The following SLC39A12 variants were observed in gnomAD, a reference collection of about 807,000 sequenced individuals.
SLC39A12 encodes the protein zinc transporter ZIP12.
Under a neutral mutation model 71.1 loss-of-function variants are expected in SLC39A12, and 63 were observed. The observed-to-expected ratio is 0.89, with a 90% CI of 0.72 to 1.09. The LOEUF is 1.09. SLC39A12 is among the 50% of genes least tolerant of loss of function. The pLI is 0.00. For synonymous variants in SLC39A12, 351 were observed against 301.3 expected, an observed-to-expected ratio of 1.16 and a Z score of -1.71; for missense variants, 892 against 812.6, an observed-to-expected ratio of 1.10 and a Z score of -1.19.
chr10:17,952,040 T>C lies in SLC39A12; in HGVS notation c.-87+15T>C, dbSNP rs1303897375. 6.8e-6 allele frequency: 1 copy of C among 147,390 alleles called. No homozygotes were observed. The highest frequency in any genetic ancestry group is 6.8e-5 in the Admixed American group (1 of 14,804). The allele number at this position is 147,390 out of a possible 1,614,324, so 9.1% of individuals were successfully genotyped here. On this transcript the variant is annotated intron_variant, in intron 1 of 12. Transcript: ENST00000377369. ...TTCTTCTGAAGGTAAGCACTGGGGT[T>C]AGAAATGCTTGCATCATCCTCTGTC... is the stretch of plus-strand genomic sequence containing the variant.
At chr10:17,986,259 T>C (rs887795159) in intron 6 of SLC39A12, among the ~76,000 whole-genome samples, 1 of 152,216 alleles carries the variant, frequency 6.6e-6, no homozygotes, top group African/African-American at 2.4e-5. Flanking sequence ...AGTCCTTGCT[T>C]GCTGCAATAA....
At chr10:17,961,890 C>G in intron 3 of SLC39A12, 28 bp downstream of exon 3, 1 of 1,597,976 alleles carries the variant, frequency 6.3e-7, no homozygotes, top group Non-Finnish European at 8.5e-7. Flanking sequence ...CTAACTGGCT[C>G]TGCTGCTAAG....
intron 4 of SLC39A12, among the ~76,000 whole-genome samples, chr10:17,966,577 C>T (rs1834830165): frequency 6.6e-6 from 1 of 152,048 alleles, no homozygotes; most frequent in African/African-American, 2.4e-5. Context: ...TCCTAAAGTG[C>T]TGGGACTATA....
Position 18,043,044 on chromosome 10 carries a change from T to C in SLC39A12, c.*211T>C, listed in dbSNP as rs1269695044. 6 of 288,040 alleles carry C rather than the reference T, an allele frequency of 2.1e-5. No individual in the cohort carries two copies. Among genetic ancestry groups the C allele is most frequent in the African/African-American group, 4.4e-5 (2 of 45,596 alleles). The allele number at this position is 288,040 out of a possible 1,614,324, so 17.8% of individuals were successfully genotyped here. On this transcript the variant is annotated 3_prime_UTR_variant, in exon 13 of 13. Transcript: ENST00000377369. ...TCCTTAATTGAAATTTTGTCTTTGG[T>C]TTCCAACACCATGATGAAGCTCTTG...
chr10:17,977,358 A>T (rs1835135922), intron 4 of SLC39A12, among the ~76,000 whole-genome samples: 1 of 152,068 alleles, frequency 6.6e-6, no homozygotes, highest in Non-Finnish European at 1.5e-5. Flanking sequence ...CACTTAGGAA[A>T]ATTCTGTTTT....
intron 10 of SLC39A12, among the ~76,000 whole-genome samples, chr10:17,999,498 C>T (rs1449597783): frequency 1.3e-5 from 2 of 152,098 alleles, no homozygotes; most frequent in Non-Finnish European, 2.9e-5. Context: ...GCTCAATATA[C>T]TTTTCATGTT....
At chr10:17,993,361 G>C in intron 9 of SLC39A12, 70 bp downstream of exon 9, 1 of 1,055,886 alleles carries the variant, frequency 9.5e-7, no homozygotes, top group Non-Finnish European at 1.4e-6. Context: ...ATGAACAAAT[G>C]AAAATCAGTA....
chr10:18,006,673 T>C (rs1836029461), intron 12 of SLC39A12, among the ~76,000 whole-genome samples: 1 of 152,148 alleles, frequency 6.6e-6, no homozygotes, highest in Non-Finnish European at 1.5e-5. Context: ...GAAATATGCC[T>C]CAGAATAGTT....
chr10:17,999,538 A>G (rs1313487966), intron 10 of SLC39A12, among the ~76,000 whole-genome samples: 3 of 152,252 alleles, frequency 2.0e-5, no homozygotes, highest in Admixed American at 2.0e-4. Context: ...CAATTGAGTT[A>G]TGCTAACATA....
chr10:17,978,257 A>C (rs1835166326), intron 5 of SLC39A12, among the ~76,000 whole-genome samples, 183 bp downstream of exon 5: 1 of 152,214 alleles, frequency 6.6e-6, no homozygotes, highest in Non-Finnish European at 1.5e-5. Flanking sequence ...CTGTAGACAT[A>C]AAAACAAAGC....
At chr10:17,987,717 G>A in intron 7 of SLC39A12, 66 bp downstream of exon 7, 5 of 1,543,758 alleles carry the variant, frequency 3.2e-6, no homozygotes, top group Non-Finnish European at 4.4e-6. Flanking sequence ...ACCACTGGAG[G>A]TATTTATGCA....
At chr10:17,987,332 C>G (rs1329339133) in intron 6 of SLC39A12, 147 bp from the exon 7 acceptor site, 2 of 691,986 alleles carry the variant, frequency 2.9e-6, no homozygotes, top group Non-Finnish European at 2.4e-6. Context: ...GAGAGCCTGT[C>G]TCAAAATAAA....
At chr10:17,998,249 C>G (rs2130837569) in intron 10 of SLC39A12, among the ~76,000 whole-genome samples, 1 of 152,176 alleles carries the variant, frequency 6.6e-6, no homozygotes, top group South Asian at 2.1e-4. Flanking sequence ...AACCCATGAT[C>G]AGAGATAACA....
At chr10:18,033,629 G>GT (rs1459896187) in intron 12 of SLC39A12, among the ~76,000 whole-genome samples, 1 of 146,232 alleles carries the variant, frequency 6.8e-6, no homozygotes, top group East Asian at 2.1e-4. Context: ...TTTTTGAAGC[G>GT]TTTTTTGTGT....
chr10:18,038,067 T>C (rs1447942779), intron 12 of SLC39A12, among the ~76,000 whole-genome samples: 2 of 132,590 alleles, frequency 1.5e-5, no homozygotes, highest in South Asian at 2.5e-4. Flanking sequence ...GCTAACTGTA[T>C]GGCAAGTTAT....
rs549982205 is a variant in SLC39A12 at position 18,011,065 on chromosome 10, C to G, written c.1947+7707C>G. Among the ~76,000 whole-genome samples the G allele has an allele frequency of 3.3e-5, 5 of 152,172 alleles. No homozygotes were observed. The South Asian group carries it at 1.0e-3, about 32-fold the overall frequency. On this transcript the variant is annotated intron_variant, in intron 12 of 12. Coordinates refer to ENST00000377369, the MANE Select transcript of SLC39A12 (RefSeq NM_001145195.2). ...ATAATACAAAGCCCAGGCGCCCCCTCCAGGTATTTCCTCCCTTCCTTCCTT... is the reference window on the plus strand; with the variant it reads ...ATAATACAAAGCCCAGGCGCCCCCTGCAGGTATTTCCTCCCTTCCTTCCTT...
chr10:17,975,072 C>T (rs576479484), intron 4 of SLC39A12, among the ~76,000 whole-genome samples: 1 of 152,306 alleles, frequency 6.6e-6, no homozygotes, highest in Admixed American at 6.5e-5. Context: ...AGAGCTGCCA[C>T]ACTACTGCCA....
chr10:17,967,898 A>AT (rs1188012149), intron 4 of SLC39A12, among the ~76,000 whole-genome samples: 3,206 of 119,596 alleles, frequency 0.027, 62 homozygotes, highest in East Asian at 0.073. Context: ...AAAAAAAAAA[A>AT]ATATATATAT....
chr10:17,976,406 T>C (rs949748799), intron 4 of SLC39A12, among the ~76,000 whole-genome samples: 1 of 152,158 alleles, frequency 6.6e-6, no homozygotes, highest in Non-Finnish European at 1.5e-5. Context: ...TTTTATCTTC[T>C]GTTGTAGTTG....
Sources: gnomAD v4.1 joint callset for allele counts (sites outside exome capture counted in the v4.1 genomes callset) on GRCh38, gnomAD v4.1.1 for gene constraint, MANE v1.5 for transcripts, NCBI Gene and HGNC (gene_info 2026-07-23, HGNC 2026-07-21) for gene names.